ZNF254: variants seen among roughly 807,000 people sequenced by gnomAD.
ZNF254 encodes the protein CTD-2017D11.1.
ZNF254 carries 10 observed loss-of-function variants against 12.4 expected under a neutral mutation model. The observed-to-expected ratio is 0.80, with a 90% CI of 0.50 to 1.36. ZNF254 has a LOEUF of 1.36. Among genes scored for constraint, ZNF254 ranks in the 40% most tolerant of loss-of-function variants. The pLI is 0.00. For missense variants in ZNF254, 996 were observed against 763.9 expected (o/e 1.30, Z -3.58); for synonymous variants, 305 against 253.4 (o/e 1.20, Z -1.93).
intron 1 of ZNF254, among the ~76,000 whole-genome samples, chr19:24,043,898 G>A (rs766579942): frequency 6.6e-6 from 1 of 152,108 alleles, no homozygotes; most frequent in African/African-American, 2.4e-5. Flanking sequence ...CTGTATATTG[G>A]CTCATAAGTC....
Position 24,128,030 on chromosome 19 carries a change from T to C in ZNF254, c.*50T>C. On this transcript the variant is annotated 3_prime_UTR_variant, in exon 4 of 4. Coordinates refer to ENST00000357002, the MANE Select transcript of ZNF254 (RefSeq NM_203282.4). ...CCCTCAATTCTTAATAGATATAAGA[T>C]TATTCCTACTGGAGAGAAACTACAA... 1 of 1,471,288 alleles carries C rather than the reference T, an allele frequency of 6.8e-7. No individual in the cohort carries two copies. Among genetic ancestry groups the C allele is most frequent in the Non-Finnish European group, 9.0e-7 (1 of 1,114,660 alleles). The allele number at this position is 1,471,288 out of a possible 1,614,324, so 91.1% of individuals were successfully genotyped here.
At chr19:24,050,352 A>C (rs549644691) in intron 2 of ZNF254, among the ~76,000 whole-genome samples, 2 of 151,916 alleles carry the variant, frequency 1.3e-5, no homozygotes, top group South Asian at 4.2e-4. Context: ...TAGAGACAAG[A>C]TATCACCCTG....
chr19:24,052,376 C>T (rs62114767), intron 2 of ZNF254, among the ~76,000 whole-genome samples: 22,599 of 152,186 alleles, frequency 0.15, 1,938 homozygotes, highest in Middle Eastern at 0.23. Flanking sequence ...TAGTGACATA[C>T]CATTGAGTTC....
At chr19:24,074,613 G>A (rs1252319318) in intron 2 of ZNF254, among the ~76,000 whole-genome samples, 2 of 152,166 alleles carry the variant, frequency 1.3e-5, no homozygotes, top group Non-Finnish European at 2.9e-5. Flanking sequence ...CCTGTCCACA[G>A]GGATTATTGT....
At position 24,128,163 on chromosome 19, in the gene ZNF254, T is replaced by C; in HGVS notation, c.*183T>C. ...GAATGTGAAAAAGCCTTTAAATGAT[T>C]GTCACACTTGATTGTAGGTAAGATA... On this transcript the variant is annotated 3_prime_UTR_variant, in exon 4 of 4. Coordinates refer to ENST00000357002, the MANE Select transcript of ZNF254 (RefSeq NM_203282.4). The C allele has an allele frequency of 3.4e-6, 2 of 594,266 alleles. No individual in the cohort carries two copies. The highest frequency in any genetic ancestry group is 5.2e-6 in the Non-Finnish European group (2 of 382,004). The allele number at this position is 594,266 out of a possible 1,614,324, so 36.8% of individuals were successfully genotyped here. A position where few individuals can be genotyped will look rare whatever the true frequency, so the allele number is the denominator to read the frequency against.
chr19:24,041,456 G>A (rs1199323876), intron 1 of ZNF254, among the ~76,000 whole-genome samples: 6 of 152,230 alleles, frequency 3.9e-5, no homozygotes, highest in Admixed American at 2.6e-4. Flanking sequence ...CTTAGCACCC[G>A]GGCTAGTGGC....
At chr19:24,066,439 T>G (rs906857621) in intron 2 of ZNF254, 2 of 151,978 alleles carry the variant, frequency 1.3e-5, no homozygotes, top group Non-Finnish European at 2.9e-5. Context: ...GCACTGATAA[T>G]TTGTGACTCT....
chr19:24,069,233 T>TG (rs1971390873), intron 2 of ZNF254, among the ~76,000 whole-genome samples: 1 of 143,632 alleles, frequency 7.0e-6, no homozygotes, highest in African/African-American at 2.5e-5. Flanking sequence ...CTTGAACTCC[T>TG]GACCTCAGGT....
chr19:24,092,526 C>T (rs368607090), intron 1 of ZNF254, among the ~76,000 whole-genome samples: 3 of 152,028 alleles, frequency 2.0e-5, no homozygotes, highest in African/African-American at 7.2e-5. Context: ...CAGGCATGCA[C>T]CACCATACCT....
intron 1 of ZNF254, chr19:24,105,701 A>G (rs1973298046): frequency 4.7e-6 from 2 of 427,710 alleles, no homozygotes; most frequent in East Asian, 8.1e-5. Flanking sequence ...TCAATTTTAC[A>G]TGTTATCTTC....
At chr19:24,107,152 T>C in intron 3 of ZNF254, 1 of 589,610 alleles carries the variant, frequency 1.7e-6, no homozygotes, top group Middle Eastern at 2.7e-4. Context: ...CCTTCTGCTT[T>C]GTTCTTTTTC....
chr19:24,125,629 G>C (rs914029970), intron 3 of ZNF254, among the ~76,000 whole-genome samples: 1 of 152,076 alleles, frequency 6.6e-6, no homozygotes, highest in East Asian at 1.9e-4. Context: ...GATATGTGTT[G>C]TCTGAAATTT....
intron 1 of ZNF254, 50 bp from the exon 2 acceptor site, chr19:24,105,890 T>G: frequency 6.4e-7 from 1 of 1,556,254 alleles, no homozygotes. Context: ...AAATGAAAAA[T>G]TCTGCCGATA....
At chr19:24,117,094 G>T (rs1974130774) in intron 3 of ZNF254, among the ~76,000 whole-genome samples, 4 of 152,188 alleles carry the variant, frequency 2.6e-5, no homozygotes, top group Admixed American at 1.3e-4. Context: ...TGAGGTGTCA[G>T]TCTGCCCCTA....
At chr19:24,112,414 G>C (rs1390071646) in intron 3 of ZNF254, among the ~76,000 whole-genome samples, 1 of 146,834 alleles carries the variant, frequency 6.8e-6, no homozygotes, top group Non-Finnish European at 1.5e-5. Context: ...TTTGGCTTAG[G>C]AGTGACTTGG....
chr19:24,034,946 G>A (rs1225696383), intron 1 of ZNF254, among the ~76,000 whole-genome samples: 4 of 148,014 alleles, frequency 2.7e-5, no homozygotes, highest in Non-Finnish European at 6.0e-5. Flanking sequence ...GTCATGCGCA[G>A]CATGAAGTTA....
At chr19:24,082,120 C>T (rs1971864621) in intron 2 of ZNF254, among the ~76,000 whole-genome samples, 1 of 149,414 alleles carries the variant, frequency 6.7e-6, no homozygotes, top group Non-Finnish European at 1.5e-5. Flanking sequence ...TGAAACTCTG[C>T]CTCAAAAGAA....
At chr19:24,046,877 T>C (rs973484612) in intron 2 of ZNF254, among the ~76,000 whole-genome samples, 21 of 150,396 alleles carry the variant, frequency 1.4e-4, no homozygotes, top group African/African-American at 3.4e-4. Context: ...TTTTTTTTTT[T>C]CCCTTGAGAT....
At chr19:24,109,175 A>T (rs765683389) in intron 3 of ZNF254, among the ~76,000 whole-genome samples, 1 of 152,210 alleles carries the variant, frequency 6.6e-6, no homozygotes, top group Non-Finnish European at 1.5e-5. Flanking sequence ...ATGTATTTAA[A>T]ACATAAAAAT....
Sources: gnomAD v4.1 joint callset for allele counts (sites outside exome capture counted in the v4.1 genomes callset) on GRCh38, gnomAD v4.1.1 for gene constraint, MANE v1.5 for transcripts, NCBI Gene and HGNC (gene_info 2026-07-23, HGNC 2026-07-21) for gene names.